The following NELL2 variants were observed in gnomAD, a reference collection of about 807,000 sequenced individuals.
The protein encoded by NELL2 is protein kinase C-binding protein NELL2.
Under a neutral mutation model 109.6 loss-of-function variants are expected in NELL2, and 41 were observed. The ratio of observed to expected loss-of-function variants is 0.37; its 90% CI spans 0.29 to 0.49. The LOEUF (loss-of-function observed/expected upper bound fraction) is 0.49. Ranked by LOEUF, NELL2 falls within the 20% of genes least tolerant of loss-of-function variation. NELL2 has a pLI of 0.98. For missense variants in NELL2, 900 were observed against 1,008.3 expected (o/e 0.89, Z 1.45); for synonymous variants, 355 against 344.7 (o/e 1.03, Z -0.33).
rs147302065 is a variant in NELL2 at position 44,583,054 on chromosome 12, C to A, written c.1663+24115G>T. ...ACCTTGGACTTCCCAGCTTCCGGAA[C>A]GGTAAGAAATAAATTTCTTTTCACT... On this transcript the variant is annotated intron_variant, in intron 15 of 19. Coordinates refer to ENST00000429094, the MANE Select transcript of NELL2 (RefSeq NM_001145108.2). Among the ~76,000 whole-genome samples the A allele has an allele frequency of 3.1e-3, 465 of 152,202 alleles. 1 individual carries two copies. Among genetic ancestry groups the A allele is most frequent in the African/African-American group, 6.6e-3 (272 of 41,502 alleles).
At chr12:44,681,865 C>A (rs1948521233) in intron 12 of NELL2, among the ~76,000 whole-genome samples, 1 of 151,582 alleles carries the variant, frequency 6.6e-6, no homozygotes, top group South Asian at 2.1e-4. Context: ...GTGAATAATG[C>A]CGCAATAAAC....
intron 11 of NELL2, among the ~76,000 whole-genome samples, chr12:44,706,910 T>C (rs886131668): frequency 6.6e-6 from 1 of 152,120 alleles, no homozygotes; most frequent in African/African-American, 2.4e-5. Flanking sequence ...TGTAGAACTT[T>C]TGGTAAAATA....
intron 15 of NELL2, among the ~76,000 whole-genome samples, chr12:44,539,508 A>G (rs1450009832): frequency 4.6e-5 from 7 of 152,124 alleles, no homozygotes; most frequent in Admixed American, 6.6e-5. Flanking sequence ...TTCTGAATGT[A>G]TGTATTGTGC....
chr12:44,522,996 T>C (rs1001224275), intron 17 of NELL2: 10 of 342,004 alleles, frequency 2.9e-5, no homozygotes, highest in African/African-American at 1.9e-4. Context: ...GTTGAGAGAA[T>C]GAAGTCAGAC....
At chr12:44,920,700 GAA>G (rs1174919681) in intron 1 of NELL2, among the ~76,000 whole-genome samples, 1 of 152,064 alleles carries the variant, frequency 6.6e-6, no homozygotes, top group African/African-American at 2.4e-5. Context: ...ACAAGCAAAT[GAA>G]TACCAACATG....
chr12:44,821,883 G>GGTTT (rs1943555475), intron 2 of NELL2, among the ~76,000 whole-genome samples: 3 of 137,872 alleles, frequency 2.2e-5, no homozygotes, highest in African/African-American at 5.4e-5. Context: ...ACGCCCGGCT[G>GGTTT]GTTTTATTTA....
In NELL2 at chr12:44,523,230, C is replaced by G. The variant is rs192963979; in HGVS notation, c.1998+61G>C. 59 of 1,563,584 alleles carry G rather than the reference C, an allele frequency of 3.8e-5. No individual in the cohort carries two copies. In the African/African-American group the frequency reaches 7.7e-4, roughly 20 times the overall value. On this transcript the variant is annotated intron_variant, in intron 17 of 19. Coordinates refer to ENST00000429094, the MANE Select transcript of NELL2 (RefSeq NM_001145108.2). ...CAAAACTCATCAAGCCATATACACA[C>G]TTAAAACATATGCAAATTACAACTG... is the stretch of plus-strand genomic sequence containing the variant.
chr12:44,543,351 A>T (rs1386967939), intron 15 of NELL2, among the ~76,000 whole-genome samples: 2 of 152,128 alleles, frequency 1.3e-5, no homozygotes, highest in Non-Finnish European at 2.9e-5. Flanking sequence ...ATCACTTCTA[A>T]CTAGCTTGAT....
intron 3 of NELL2, among the ~76,000 whole-genome samples, chr12:44,804,127 A>C (rs1942922583): frequency 6.6e-6 from 1 of 151,950 alleles, no homozygotes; most frequent in Non-Finnish European, 1.5e-5. Flanking sequence ...TAATTGATAT[A>C]TTCTATGATG....
intron 19 of NELL2, among the ~76,000 whole-genome samples, chr12:44,513,861 A>G (rs1044173174): frequency 6.6e-6 from 1 of 151,818 alleles, no homozygotes; most frequent in Non-Finnish European, 1.5e-5. Context: ...AAATATGTGA[A>G]AAAACGATGG....
chr12:44,904,567 A>T (rs902581523), intron 1 of NELL2, among the ~76,000 whole-genome samples: 43 of 152,258 alleles, frequency 2.8e-4, no homozygotes, highest in African/African-American at 9.9e-4. Flanking sequence ...TCCCTGAATG[A>T]CGGTGAAAAA....
At chr12:44,827,758 G>C (rs1470102736) in intron 2 of NELL2, among the ~76,000 whole-genome samples, 2 of 152,124 alleles carry the variant, frequency 1.3e-5, no homozygotes, top group Non-Finnish European at 2.9e-5. Context: ...ATTGTGACTA[G>C]TGCTGCAATA....
intron 9 of NELL2, among the ~76,000 whole-genome samples, chr12:44,743,002 G>C (rs906259471): frequency 3.9e-5 from 6 of 152,160 alleles, no homozygotes; most frequent in Admixed American, 2.0e-4. Context: ...GTAATTGTCA[G>C]ATTCACCAAA....
intron 15 of NELL2, among the ~76,000 whole-genome samples, chr12:44,581,558 A>T (rs1944322449): frequency 6.6e-6 from 1 of 152,210 alleles, no homozygotes; most frequent in Non-Finnish European, 1.5e-5. Context: ...AGTAACTTTT[A>T]ACACTTAAAA....
At chr12:44,821,862 T>C (rs1943554261) in intron 2 of NELL2, among the ~76,000 whole-genome samples, 1 of 151,836 alleles carries the variant, frequency 6.6e-6, no homozygotes, top group East Asian at 1.9e-4. Flanking sequence ...GAACTACAAG[T>C]GTGCACCACC....
intron 15 of NELL2, among the ~76,000 whole-genome samples, chr12:44,563,367 G>A (rs141583374): frequency 3.3e-5 from 5 of 151,976 alleles, no homozygotes; most frequent in South Asian, 2.1e-4. Flanking sequence ...AGAAATTATA[G>A]GTGATTTTTT....
intron 9 of NELL2, among the ~76,000 whole-genome samples, chr12:44,766,074 A>C (rs868668937): frequency 6.6e-6 from 1 of 151,960 alleles, no homozygotes; most frequent in African/African-American, 2.4e-5. Context: ...TGACAGAGCA[A>C]GACTCCGTAT....
chr12:44,685,749 T>G (rs1158761379), intron 12 of NELL2, among the ~76,000 whole-genome samples: 2 of 152,314 alleles, frequency 1.3e-5, no homozygotes, highest in South Asian at 2.1e-4. Context: ...TGGCCCCCAC[T>G]CTCTTCTGGC....
At chr12:44,818,492 C>G (rs1943427906) in intron 2 of NELL2, among the ~76,000 whole-genome samples, 1 of 152,034 alleles carries the variant, frequency 6.6e-6, no homozygotes, top group Admixed American at 6.6e-5. Flanking sequence ...CAGAGAGGTT[C>G]AAGGATGTGG....
Sources: allele counts gnomAD v4.1 joint callset (sites outside exome capture counted in the v4.1 genomes callset), GRCh38; gene constraint gnomAD v4.1.1; transcripts MANE v1.5; gene names NCBI Gene and HGNC (gene_info 2026-07-23, HGNC 2026-07-21).